The following RERE variants were observed in gnomAD, a reference collection of about 807,000 sequenced individuals.
The protein encoded by RERE is arginine-glutamic acid dipeptide repeats protein.
In RERE, 40 loss-of-function variants were observed where a neutral mutation model predicts 146.1. The observed-to-expected ratio is 0.27, with a 90% CI of 0.21 to 0.36. RERE has a LOEUF of 0.36. Among genes scored for constraint, RERE ranks in the 10% least tolerant of loss-of-function variants. The pLI is 1.00. For missense variants in RERE, 1,933 were observed against 2,138.7 expected (o/e 0.90, Z 1.90); for synonymous variants, 1,003 against 866.0 (o/e 1.16, Z -2.78).
intron 8 of RERE, among the ~76,000 whole-genome samples, chr1:8,504,498 AT>A (rs1645222971): frequency 1.3e-5 from 2 of 152,238 alleles, no homozygotes; most frequent in African/African-American, 2.4e-5. Context: ...CAAGGAATAA[AT>A]GGATGGCAGA....
At chr1:8,774,979 T>C (rs1474179042) in intron 1 of RERE, among the ~76,000 whole-genome samples, 4 of 89,278 alleles carry the variant, frequency 4.5e-5, no homozygotes, top group African/African-American at 1.2e-4. Flanking sequence ...TTTTTTTTTT[T>C]TTGAAACAGT....
chr1:8,559,280 C>CAAAAAAAAAAAAAAAAAAAAAAAAAAGAA (rs548075266), intron 4 of RERE, among the ~76,000 whole-genome samples: 1 of 12,086 alleles, frequency 8.3e-5, no homozygotes, highest in Non-Finnish European at 1.6e-4. Flanking sequence ...AACTCCAGCT[C>CAAAAAAAAAAAAAAAAAAAAAAAAAAGAA]AAAAAAAAAA....
intron 4 of RERE, among the ~76,000 whole-genome samples, chr1:8,605,520 G>A (rs1160136333): frequency 3.3e-5 from 5 of 152,018 alleles, no homozygotes; most frequent in Admixed American, 2.0e-4. Flanking sequence ...AGGCTGAGGC[G>A]GGTGGATCAC....
At chr1:8,368,737 C>T (rs973562784) in intron 12 of RERE, among the ~76,000 whole-genome samples, 7 of 152,022 alleles carry the variant, frequency 4.6e-5, no homozygotes, top group Admixed American at 3.3e-4. Flanking sequence ...TTTGAAATGG[C>T]TTTAAAAGAT....
intron 2 of RERE, among the ~76,000 whole-genome samples, chr1:8,645,028 C>T (rs1321831819): frequency 1.3e-5 from 2 of 152,116 alleles, no homozygotes; most frequent in East Asian, 3.8e-4. Flanking sequence ...ATTTTACAAA[C>T]CAGCTGTGTG....
rs937029201 is a variant in RERE, at chr1:8,364,467, G to A, written c.1541-212C>T. Among the ~76,000 whole-genome samples the A allele has an allele frequency of 1.3e-5, 2 of 152,124 alleles. No individual in the cohort carries two copies. Among genetic ancestry groups the A allele is most frequent in the African/African-American group, 4.8e-5 (2 of 41,416 alleles). On this transcript the variant is annotated intron_variant, in intron 14 of 22. Coordinates refer to ENST00000400908, the MANE Select transcript of RERE (RefSeq NM_001042681.2). This position sits in a 1 kb window ranked among gnomAD's most constrained non-coding sequence, Gnocchi z 5.1. Reference sequence around the variant, plus strand: ...CATCTGCTGCCCACTTCAACTTGGGGTGCCCAGGAAAAGCTGGCAGCAAGC... The same window carrying A: ...CATCTGCTGCCCACTTCAACTTGGGATGCCCAGGAAAAGCTGGCAGCAAGC...
At chr1:8,505,773 T>C (rs545878115) in intron 8 of RERE, among the ~76,000 whole-genome samples, 46 of 152,310 alleles carry the variant, frequency 3.0e-4, no homozygotes, top group Middle Eastern at 3.4e-3. Context: ...TGAAATGATC[T>C]ACCCACCTTG....
intron 1 of RERE, among the ~76,000 whole-genome samples, chr1:8,780,538 A>G (rs1469901460): frequency 6.6e-6 from 1 of 152,186 alleles, no homozygotes; most frequent in Non-Finnish European, 1.5e-5. Flanking sequence ...CAAGAGAACA[A>G]TGCCATCCAG....
rs143653775 is a variant in RERE, at chr1:8,581,890, T to C, written c.523-24367A>G. 3.3e-5 allele frequency among the ~76,000 whole-genome samples: 5 copies of C among 152,300 alleles called. No homozygotes were observed. In the East Asian group the frequency reaches 9.6e-4, roughly 29 times the overall value. ...TACATGAAACAAAATATTGGTGTAA[T>C]AGGTACATAGAGATTTTTTTTCCAT... On this transcript the variant is annotated intron_variant, in intron 4 of 22. Transcript: ENST00000400908.
chr1:8,364,853 C>T lies in RERE; in HGVS notation c.1448-15G>A. ...ACTTAGGTCCACTGGGCGTGGCAGG[C>T]ACATAGTGGGGGTGGGGGAGACACC... On this transcript the variant is annotated splice_polypyrimidine_tract_variant and intron_variant, in intron 13 of 22. Coordinates refer to ENST00000400908, the MANE Select transcript of RERE (RefSeq NM_001042681.2). This position sits in a 1 kb window ranked among gnomAD's most constrained non-coding sequence, Gnocchi z 5.1. The T allele has an allele frequency of 6.4e-7, 1 of 1,563,898 alleles. No homozygotes were observed. Among genetic ancestry groups the T allele is most frequent in the Non-Finnish European group, 8.7e-7 (1 of 1,150,934 alleles).
At chr1:8,689,844 C>A (rs1639172567) in intron 1 of RERE, among the ~76,000 whole-genome samples, 1 of 151,414 alleles carries the variant, frequency 6.6e-6, no homozygotes, top group South Asian at 2.1e-4. Context: ...ATGTGGGAAA[C>A]TCAATGAACT....
At chr1:8,745,949 T>C (rs943602384) in intron 1 of RERE, among the ~76,000 whole-genome samples, 1 of 152,164 alleles carries the variant, frequency 6.6e-6, no homozygotes, top group African/African-American at 2.4e-5. Flanking sequence ...ATGCCTGTGG[T>C]CCCAGCTACT....
chr1:8,810,116 C>G (rs1005178740), intron 1 of RERE, among the ~76,000 whole-genome samples: 1 of 152,136 alleles, frequency 6.6e-6, no homozygotes, highest in African/African-American at 2.4e-5. Context: ...AGCGATTCTT[C>G]CACCTCAGCC....
intron 12 of RERE, among the ~76,000 whole-genome samples, chr1:8,390,039 A>G (rs551986272): frequency 1.3e-5 from 2 of 152,366 alleles, no homozygotes; most frequent in Non-Finnish European, 2.9e-5. Flanking sequence ...GAGTAGTTAG[A>G]CAGTGAGGAT....
At chr1:8,536,104 CAA>C (rs35142876) in intron 7 of RERE, among the ~76,000 whole-genome samples, 13 of 105,220 alleles carry the variant, frequency 1.2e-4, no homozygotes, top group East Asian at 2.9e-4. Flanking sequence ...GACTCCATCT[CAA>C]AAAAAAAAAA....
chr1:8,494,704 C>A (rs1038486854), intron 10 of RERE, among the ~76,000 whole-genome samples: 1 of 152,096 alleles, frequency 6.6e-6, no homozygotes, highest in South Asian at 2.1e-4. Context: ...GAGACTCCAT[C>A]TCAAAAAAAT....
chr1:8,534,499 T>TA (rs1465626200), intron 7 of RERE, among the ~76,000 whole-genome samples: 1 of 152,158 alleles, frequency 6.6e-6, no homozygotes, highest in Non-Finnish European at 1.5e-5. Context: ...ACGCACTCCC[T>TA]AGCTCTGTTT....
At chr1:8,610,821 T>C (rs1296073470) in intron 4 of RERE, among the ~76,000 whole-genome samples, 1 of 151,524 alleles carries the variant, frequency 6.6e-6, no homozygotes, top group African/African-American at 2.4e-5. Flanking sequence ...AATTAACATA[T>C]CCTATGTTAC....
chr1:8,505,620 G>A (rs1244128010), intron 8 of RERE, among the ~76,000 whole-genome samples: 1 of 151,982 alleles, frequency 6.6e-6, no homozygotes, highest in African/African-American at 2.4e-5. Context: ...TGCTTCAACC[G>A]CCTAGGCTCA....
Sources: allele counts gnomAD v4.1 joint callset (sites outside exome capture counted in the v4.1 genomes callset), GRCh38; gene constraint gnomAD v4.1.1; non-coding constraint Gnocchi (gnomAD v3.1); transcripts MANE v1.5; gene names NCBI Gene and HGNC (gene_info 2026-07-23, HGNC 2026-07-21).